Variants in ADGRL4 observed in about 807,000 individuals in gnomAD.
ADGRL4 encodes the protein adhesion G protein-coupled receptor L4, also known as EGF, latrophilin and seven transmembrane domain containing 1.
ADGRL4 carries 90 observed loss-of-function variants against 74.8 expected under a neutral mutation model. That is an observed-to-expected ratio of 1.20 (90% CI 1.02 to 1.43). The LOEUF is 1.43. Ranked by LOEUF, ADGRL4 falls within the 40% of genes most tolerant of loss-of-function variation. The pLI is 0.00. For synonymous variants in ADGRL4, 311 were observed against 279.2 expected, an observed-to-expected ratio of 1.11 and a Z score of -1.14; for missense variants, 881 against 814.3, an observed-to-expected ratio of 1.08 and a Z score of -1.00.
Position 79,005,136 on chromosome 1 carries a change from G to T in ADGRL4, c.106C>A (p.Arg36Ser). Reference sequence around the variant, plus strand: ...CAATAGCAGGCTTCAATTCCATTGCGTATTTCACATTTTGCATTTGGGAGA... The same window carrying T: ...CAATAGCAGGCTTCAATTCCATTGCTTATTTCACATTTTGCATTTGGGAGA... ...PCLPNAKCEI[R>S]NGIEACYCNM... Residue 36 changes from arginine to serine, a missense_variant, in exon 2 of 15, where the codon CGC (arginine) becomes AGC (serine). Physicochemically the swap from Arg to Ser is moderately radical, Grantham distance 110. Transcript: ENST00000370742. The T allele has an allele frequency of 6.2e-7, 1 of 1,613,150 alleles. No homozygotes were observed.
At chr1:78,973,056 A>G (rs1650202728) in intron 2 of ADGRL4, among the ~76,000 whole-genome samples, 1 of 152,050 alleles carries the variant, frequency 6.6e-6, no homozygotes, top group Non-Finnish European at 1.5e-5. Flanking sequence ...TTTTCTCTCA[A>G]ATATCATTTC....
intron 2 of ADGRL4, among the ~76,000 whole-genome samples, chr1:79,003,585 AG>A (rs1366460013): frequency 2.0e-5 from 3 of 152,018 alleles, no homozygotes; most frequent in African/African-American, 7.2e-5. Context: ...CAACTGCATT[AG>A]ATAATGGAAG....
chr1:78,942,900 A>T (rs1475727670), intron 3 of ADGRL4, among the ~76,000 whole-genome samples: 1 of 152,172 alleles, frequency 6.6e-6, no homozygotes, highest in Non-Finnish European at 1.5e-5. Context: ...ACTGCACTCC[A>T]GCCTGGGTAA....
chr1:78,931,726 A>C (rs1649246448), intron 7 of ADGRL4, among the ~76,000 whole-genome samples: 1 of 151,320 alleles, frequency 6.6e-6, no homozygotes, highest in African/African-American at 2.5e-5. Flanking sequence ...AAATAAAGGG[A>C]TGGAGGAAAA....
intron 2 of ADGRL4, among the ~76,000 whole-genome samples, chr1:78,981,473 T>C (rs1280983362): frequency 2.0e-5 from 3 of 151,924 alleles, no homozygotes; most frequent in African/African-American, 7.2e-5. Flanking sequence ...ATAAAATGCT[T>C]ACAATAAGAG....
At chr1:78,966,084 G>A (rs1369387292) in intron 2 of ADGRL4, among the ~76,000 whole-genome samples, 1 of 151,914 alleles carries the variant, frequency 6.6e-6, no homozygotes, top group Non-Finnish European at 1.5e-5. Flanking sequence ...AAACAAATAA[G>A]CTACAGAGTC....
chr1:78,933,836 A>G (rs1056526546), intron 7 of ADGRL4, among the ~76,000 whole-genome samples: 1 of 147,172 alleles, frequency 6.8e-6, no homozygotes, highest in South Asian at 2.1e-4. Context: ...CACAATTGCT[A>G]CAAAGAGAAC....
intron 2 of ADGRL4, among the ~76,000 whole-genome samples, chr1:78,957,229 A>C (rs1013092409): frequency 5.9e-5 from 9 of 152,182 alleles, no homozygotes; most frequent in African/African-American, 2.2e-4. Flanking sequence ...AGGCCAGTTA[A>C]TAACCCTACA....
intron 12 of ADGRL4, among the ~76,000 whole-genome samples, chr1:78,909,516 A>G (rs1341606770): frequency 6.6e-6 from 1 of 151,910 alleles, no homozygotes; most frequent in Non-Finnish European, 1.5e-5. Flanking sequence ...CACAGACAGG[A>G]CAGCCTCCAC....
At chr1:78,935,302 G>T (rs1271535608) in intron 7 of ADGRL4, among the ~76,000 whole-genome samples, 1 of 152,046 alleles carries the variant, frequency 6.6e-6, no homozygotes, top group Admixed American at 6.6e-5. Flanking sequence ...ACTAACACAG[G>T]AACAGAAAAT....
intron 2 of ADGRL4, among the ~76,000 whole-genome samples, chr1:78,997,243 C>A (rs1650736033): frequency 6.6e-6 from 1 of 152,106 alleles, no homozygotes; most frequent in African/African-American, 2.4e-5. Flanking sequence ...TCAAGAATAT[C>A]TTGACTAATG....
intron 12 of ADGRL4, among the ~76,000 whole-genome samples, chr1:78,911,613 A>G (rs1648764072): frequency 2.0e-4 from 1 of 5,088 alleles, no homozygotes; most frequent in South Asian, 4.7e-3. Context: ...ATCAAGATCT[A>G]AACACACACA....
At chr1:78,986,021 G>A (rs763822432) in intron 2 of ADGRL4, among the ~76,000 whole-genome samples, 4 of 151,602 alleles carry the variant, frequency 2.6e-5, no homozygotes, top group Non-Finnish European at 5.9e-5. Flanking sequence ...GGGCCTACTC[G>A]GGGGTGGAAG....
intron 12 of ADGRL4, among the ~76,000 whole-genome samples, chr1:78,917,379 AT>A (rs571315298): frequency 1.4e-3 from 209 of 151,074 alleles, no homozygotes; most frequent in African/African-American, 3.2e-3. Flanking sequence ...GCTATACATG[AT>A]TTTTTTTATA....
At position 78,938,099 on chromosome 1, in the gene ADGRL4, C is replaced by T; in HGVS notation, c.576+1G>A. The T allele has an allele frequency of 6.2e-7, 1 of 1,612,200 alleles. No homozygotes were observed. On this transcript the variant is annotated splice_donor_variant, in intron 5 of 14. Coordinates refer to ENST00000370742, the MANE Select transcript of ADGRL4 (RefSeq NM_022159.4). LOFTEE classifies it high-confidence loss of function. ...ATTGAGTTAAAGCTGAACATACTTACAGTAAGAGTTGAGTTAGAAAGGGTG... is the reference window on the plus strand; with the variant it reads ...ATTGAGTTAAAGCTGAACATACTTATAGTAAGAGTTGAGTTAGAAAGGGTG...
At chr1:78,921,811 G>A (rs1352162940) in intron 8 of ADGRL4, 25 bp from the exon 9 acceptor site, 3 of 1,323,376 alleles carry the variant, frequency 2.3e-6, no homozygotes, top group South Asian at 1.8e-5. Flanking sequence ...CTTTACTGAT[G>A]AAAAAAGAGA....
At chr1:78,957,795 T>C (rs779093453) in intron 2 of ADGRL4, among the ~76,000 whole-genome samples, 2 of 152,184 alleles carry the variant, frequency 1.3e-5, no homozygotes, top group Non-Finnish European at 2.9e-5. Context: ...ATTTTCAGTG[T>C]AGATGAAACA....
At chr1:78,925,591 C>A (rs6678427) in intron 8 of ADGRL4, among the ~76,000 whole-genome samples, 13,469 of 151,900 alleles carry the variant, frequency 0.089, 791 homozygotes, top group East Asian at 0.33. Context: ...ATTTCATTCT[C>A]AGAGCAAGGG....
At chr1:78,972,555 A>G (rs1354212168) in intron 2 of ADGRL4, among the ~76,000 whole-genome samples, 1 of 152,206 alleles carries the variant, frequency 6.6e-6, no homozygotes, top group Non-Finnish European at 1.5e-5. Flanking sequence ...ATTTATCTCT[A>G]GAACACTGAT....
Sources: allele counts gnomAD v4.1 joint callset (sites outside exome capture counted in the v4.1 genomes callset), GRCh38; gene constraint gnomAD v4.1.1; transcripts MANE v1.5; gene names NCBI Gene and HGNC (gene_info 2026-07-23, HGNC 2026-07-21).